AOPEP: variants seen among roughly 807,000 people sequenced by gnomAD.
AOPEP encodes aminopeptidase O (putative), also known as aminopeptidase O.
AOPEP carries 77 observed loss-of-function variants against 98.1 expected under a neutral mutation model. The ratio of observed to expected loss-of-function variants is 0.78; its 90% confidence interval spans 0.65 to 0.95. The LOEUF is 0.95. Ranked by LOEUF, AOPEP falls within the 40% of genes least tolerant of loss-of-function variation. The pLI, the probability that AOPEP is intolerant of heterozygous loss-of-function variation, is 0.00. For missense variants in AOPEP, 1,024 were observed against 1,024.7 expected (o/e 1.00, Z 0.01); for synonymous variants, 346 against 365.3 (o/e 0.95, Z 0.60).
At chr9:94,750,758 T>TTC (rs1207123109) in intron 1 of AOPEP, among the ~76,000 whole-genome samples, 3 of 143,858 alleles carry the variant, frequency 2.1e-5, no homozygotes, top group Non-Finnish European at 4.6e-5. Flanking sequence ...TTTTCTTTCT[T>TTC]TTTTTTTTTT....
intron 5 of AOPEP, among the ~76,000 whole-genome samples, chr9:94,801,722 A>G (rs1848259399): frequency 6.6e-6 from 1 of 152,230 alleles, no homozygotes; most frequent in Non-Finnish European, 1.5e-5. Flanking sequence ...AAAGATAGAG[A>G]ATGTACTTGG....
At chr9:95,111,005 C>T in the AOPEP span, 1 of 1,434,010 alleles carries the variant, frequency 7.0e-7, no homozygotes, top group Non-Finnish European at 9.1e-7. Context: ...ATGTGAGGAT[C>T]TGTTGACTGA....
At chr9:94,915,741 A>G (rs1019984260) in intron 5 of AOPEP, among the ~76,000 whole-genome samples, 4 of 152,240 alleles carry the variant, frequency 2.6e-5, no homozygotes, top group Non-Finnish European at 1.5e-5. Context: ...GGGCAAGTCA[A>G]CAGCTTCCTG....
intron 11 of AOPEP, among the ~76,000 whole-genome samples, chr9:94,989,390 C>T (rs1018575355): frequency 6.6e-6 from 1 of 151,982 alleles, no homozygotes; most frequent in Non-Finnish European, 1.5e-5. Context: ...GTGTGGGCCA[C>T]CGCGCCCAGC....
chr9:94,771,773 G>C (rs1840943440), intron 2 of AOPEP, among the ~76,000 whole-genome samples: 1 of 152,160 alleles, frequency 6.6e-6, no homozygotes, highest in African/African-American at 2.4e-5. Context: ...GCTTCTGCCA[G>C]ATGACTCCTG....
chr9:95,045,642 C>T (rs918734748), intron 13 of AOPEP, among the ~76,000 whole-genome samples: 8 of 152,226 alleles, frequency 5.3e-5, no homozygotes, highest in Non-Finnish European at 7.3e-5. Flanking sequence ...TCAAGGATTG[C>T]TGTACAGCAG....
intron 5 of AOPEP, among the ~76,000 whole-genome samples, chr9:94,827,700 G>C (rs1403233849): frequency 1.3e-5 from 2 of 152,092 alleles, no homozygotes; most frequent in Non-Finnish European, 2.9e-5. Flanking sequence ...AGGACATTGA[G>C]CAAGCCAGAA....
intron 3 of AOPEP, 39 bp from the exon 4 acceptor site, chr9:94,792,726 A>G (rs375620511): frequency 1.3e-4 from 204 of 1,544,724 alleles, no homozygotes; most frequent in Non-Finnish European, 1.7e-4. Context: ...CCAGGATCAT[A>G]TATTGGCCTC....
intron 13 of AOPEP, among the ~76,000 whole-genome samples, chr9:95,040,263 C>T (rs573004765): frequency 1.3e-5 from 2 of 152,348 alleles, no homozygotes; most frequent in South Asian, 4.1e-4. Flanking sequence ...CTTTCCCATC[C>T]TCTGTAAAAT....
chr9:94,833,462 C>T (rs1330469920), intron 5 of AOPEP, among the ~76,000 whole-genome samples: 1 of 151,952 alleles, frequency 6.6e-6, no homozygotes, highest in East Asian at 1.9e-4. Context: ...GTCTTGAACT[C>T]CTGACCTCAG....
chr9:95,126,854 C>G, the AOPEP span: 1 of 438,830 alleles, frequency 2.3e-6, no homozygotes, highest in Non-Finnish European at 4.2e-6. Flanking sequence ...ATCCATAATA[C>G]AGAATCAGTA....
the AOPEP span, among the ~76,000 whole-genome samples, chr9:95,108,445 C>A: frequency 6.6e-6 from 1 of 152,204 alleles, no homozygotes; most frequent in African/African-American, 2.4e-5. Context: ...TGTTTTTTCT[C>A]TTGACCCACA....
intron 5 of AOPEP, 81 bp downstream of exon 5, chr9:94,801,083 C>A: frequency 6.7e-7 from 1 of 1,493,560 alleles, no homozygotes; most frequent in Non-Finnish European, 9.3e-7. Context: ...TGAGCTCTGT[C>A]AGAGCAGTCA....
chr9:95,132,954 T>C, the AOPEP span, among the ~76,000 whole-genome samples: 9 of 152,250 alleles, frequency 5.9e-5, no homozygotes, highest in African/African-American at 2.2e-4. Flanking sequence ...ACAAGTTATG[T>C]AGACCATCAC....
intron 13 of AOPEP, among the ~76,000 whole-genome samples, chr9:95,017,238 G>C (rs930132580): frequency 6.6e-6 from 1 of 151,930 alleles, no homozygotes; most frequent in African/African-American, 2.4e-5. Flanking sequence ...AAGCTATACA[G>C]TCACACATCA....
At position 94,846,083 on chromosome 9, in the gene AOPEP, G is replaced by A. The variant is rs564019937; in HGVS notation, c.1364+45081G>A. ...GCACTCCAGCCTGGGCGATGAGAGC[G>A]AGACTCCATCTTAAAAAAAAAAAAA... On this transcript the variant is annotated intron_variant, in intron 5 of 16. Coordinates refer to ENST00000375315, the MANE Select transcript of AOPEP (RefSeq NM_001193329.3). Among the ~76,000 whole-genome samples the A allele has an allele frequency of 2.1e-5, 3 of 141,878 alleles. No individual in the cohort carries two copies. In the Admixed American group the frequency reaches 2.2e-4, roughly 10 times the overall value. The allele number at this position is 141,878 out of a possible 152,430, so 93.1% of individuals were successfully genotyped here.
chr9:94,875,356 A>AAAAAAAAAAAAAAAAAG (rs1564301945), intron 5 of AOPEP, among the ~76,000 whole-genome samples: 9 of 149,126 alleles, frequency 6.0e-5, no homozygotes, highest in African/African-American at 2.2e-4. Flanking sequence ...AGAAAAAAAA[A>AAAAAAAAAAAAAAAAAG]AAAAAAAAAA....
intron 13 of AOPEP, among the ~76,000 whole-genome samples, chr9:95,052,706 G>C (rs1292945886): frequency 6.6e-6 from 1 of 152,170 alleles, no homozygotes; most frequent in African/African-American, 2.4e-5. Flanking sequence ...ACATATTGGA[G>C]TAATATAGGA....
intron 9 of AOPEP, among the ~76,000 whole-genome samples, chr9:94,960,478 A>T (rs1040579139): frequency 4.0e-5 from 6 of 151,854 alleles, no homozygotes; most frequent in African/African-American, 1.5e-4. Flanking sequence ...TTAATTCTAA[A>T]TTTTTCTTAA....
Sources: allele counts gnomAD v4.1 joint callset (sites outside exome capture counted in the v4.1 genomes callset), GRCh38; gene constraint gnomAD v4.1.1; transcripts MANE v1.5; gene names NCBI Gene and HGNC (gene_info 2026-07-23, HGNC 2026-07-21).